The following DBN1 variants were observed in gnomAD, a reference collection of about 807,000 sequenced individuals.
DBN1 encodes the protein drebrin.
DBN1 carries 21 observed loss-of-function variants against 83.5 expected under a neutral mutation model. That is an observed-to-expected ratio of 0.25 (90% CI 0.18 to 0.36). DBN1 has a LOEUF of 0.36. DBN1 is among the 10% of genes least tolerant of loss of function. The pLI is 1.00. For synonymous variants in DBN1, 381 were observed against 384.9 expected, an observed-to-expected ratio of 0.99 and a Z score of 0.12; for missense variants, 874 against 935.7, an observed-to-expected ratio of 0.93 and a Z score of 0.86.
chr5:177,467,391 TAAAG>T lies in DBN1; in HGVS notation c.478-63_478-60del. 1.2e-6 allele frequency: 2 copies of T among 1,613,436 alleles called. No homozygotes were observed. Among genetic ancestry groups the T allele is most frequent in the South Asian group, 2.2e-5 (2 of 91,052 alleles). ...GAATGCCCCAGGAACCCCCGACACC[TAAAG>T]GGTGAGAGCTAAGAGGGACCGGGCA... On this transcript the variant is annotated intron_variant, in intron 5 of 14. Transcript: ENST00000393565. The surrounding 1 kb of genome is among the most constrained non-coding windows in gnomAD (Gnocchi z 9.1).
At chr5:177,468,670 C>G in intron 2 of DBN1, 174 bp downstream of exon 2, 1 of 443,158 alleles carries the variant, frequency 2.3e-6, no homozygotes, top group Non-Finnish European at 4.0e-6. Flanking sequence ...CTCTGAGATT[C>G]CTCCCCACCC....
Position 177,473,487 on chromosome 5 carries a change from TC to T in DBN1, c.34del (p.Glu12SerfsTer9). On this transcript the variant is annotated frameshift_variant, in exon 1 of 15. Transcript: ENST00000393565. LOFTEE classifies it high-confidence loss of function. ...CACCTCCTCGTAAGCCGCCAGCAGC[TC>T]CAGGCGGTGGCCGCTGAAGCTGACG... ...AGVSFSGHRL[E>X]LLAAYEEVIR... 1 of 1,431,102 alleles carries T rather than the reference TC, an allele frequency of 7.0e-7. No homozygotes were observed. The allele number at this position is 1,431,102 out of a possible 1,614,324, so 88.7% of individuals were successfully genotyped here.
chr5:177,465,796 A>C (rs1372703401), intron 8 of DBN1, among the ~76,000 whole-genome samples: 1 of 151,162 alleles, frequency 6.6e-6, no homozygotes, highest in Admixed American at 6.6e-5. Context: ...TGGAGGTTGC[A>C]GTGAGCCAAG....
At chr5:177,472,479 C>T (rs1278094991) in intron 1 of DBN1, 2 of 1,179,670 alleles carry the variant, frequency 1.7e-6, no homozygotes, top group South Asian at 1.9e-5. Flanking sequence ...TTTCCACCAC[C>T]CTGGGCCGCC....
intron 2 of DBN1, 165 bp downstream of exon 2, chr5:177,468,679 C>T (rs1215346401): frequency 2.2e-6 from 1 of 456,954 alleles, no homozygotes; most frequent in African/African-American, 2.0e-5. Flanking sequence ...TCCTCCCCAC[C>T]CTGGGGACAC....
chr5:177,471,226 A>C (rs947483830), intron 1 of DBN1, among the ~76,000 whole-genome samples: 1 of 152,080 alleles, frequency 6.6e-6, no homozygotes, highest in Non-Finnish European at 1.5e-5. Flanking sequence ...CATCACTCTC[A>C]GGATGGTGGT....
In DBN1 at chr5:177,457,209, A is replaced by C. The variant is rs1183654139; in HGVS notation, c.*224T>G. 1 of 568,130 alleles carries C rather than the reference A, an allele frequency of 1.8e-6. No individual in the cohort carries two copies. Among genetic ancestry groups the C allele is most frequent in the African/African-American group, 1.9e-5 (1 of 53,052 alleles). The allele number at this position is 568,130 out of a possible 1,614,324, so 35.2% of individuals were successfully genotyped here. ...AGCGTCTCAACTACCAACGAGAGGA[A>C]AGCCAGTCAACTGTACAAGTCTCCT... On this transcript the variant is annotated 3_prime_UTR_variant, in exon 15 of 15. Coordinates refer to ENST00000393565, the MANE Select transcript of DBN1 (RefSeq NM_001363541.2).
At position 177,473,527 on chromosome 5, in the gene DBN1, G is replaced by A. The variant is rs780160317; in HGVS notation, c.-6C>T. ...CTGAAGCTGACGCCGGCCATGCTTC[G>A]GGCCGGACCGGGCCGAACGGACAGA... On this transcript the variant is annotated 5_prime_UTR_variant, in exon 1 of 15. Transcript: ENST00000393565. 3.6e-6 allele frequency: 5 copies of A among 1,400,454 alleles called. No homozygotes were observed. Among genetic ancestry groups the A allele is most frequent in the African/African-American group, 3.0e-5 (2 of 67,224 alleles). The allele number at this position is 1,400,454 out of a possible 1,614,324, so 86.8% of individuals were successfully genotyped here.
Position 177,467,485 on chromosome 5 carries a change from G to T in DBN1, c.473C>A (p.Pro158His). Residue 158 changes from proline (P) to histidine (H), a missense_variant, in exon 5 of 15, where the codon CCC (proline) becomes CAC (histidine). Around this residue, in one of 4 missense-constraint regions of DBN1, gnomAD observed 725 missense variants for 719.7 expected, o/e 1.01. Coordinates refer to ENST00000393565, the MANE Select transcript of DBN1 (RefSeq NM_001363541.2). The surrounding 1 kb of genome is among the most constrained non-coding windows in gnomAD (Gnocchi z 9.1). The stretch of plus-strand genomic sequence containing the variant: ...GGGTGCCAAACACACACTAACCACG[G>T]GCTCTGCGTTCTCATCCTCTCGCAG... ...LRLREDENAE[P>H]VGTTYQKTDA... 1 of 1,594,830 alleles carries T rather than the reference G, an allele frequency of 6.3e-7. No homozygotes were observed. Among genetic ancestry groups the T allele is most frequent in the Non-Finnish European group, 8.5e-7 (1 of 1,169,804 alleles).
rs1714607141 is a variant in DBN1 at position 177,458,205 on chromosome 5, G to A, written c.1767C>T (p.Phe589=). Residue 589 remains phenylalanine, a synonymous_variant, in exon 13 of 15, where the codon TTC becomes TTT. Coordinates refer to ENST00000393565, the MANE Select transcript of DBN1 (RefSeq NM_001363541.2). The part of the protein sequence containing the change: ...FDELPEPPAT[F]CDPEEVEGES... ...CCCCTTCCACTTCCTCTGGGTCACA[G>A]AAGGTGGCTGGCGGCTCAGGCAGCT... 6.2e-7 allele frequency: 1 copy of A among 1,612,844 alleles called. No homozygotes were observed. The highest frequency in any genetic ancestry group is 1.7e-5 in the Admixed American group (1 of 59,984).
chr5:177,459,509 G>C, intron 11 of DBN1, 94 bp downstream of exon 11: 1 of 1,379,700 alleles, frequency 7.2e-7, no homozygotes, highest in South Asian at 1.5e-5. Flanking sequence ...AAACACCAGA[G>C]ATCAGCGGTC....
intron 1 of DBN1, chr5:177,472,446 G>A: frequency 7.5e-7 from 1 of 1,339,664 alleles, no homozygotes; most frequent in East Asian, 3.3e-5. Flanking sequence ...GGATGGGGCT[G>A]TGAGGAACCC....
intron 1 of DBN1, among the ~76,000 whole-genome samples, chr5:177,470,222 C>G (rs956333711): frequency 6.6e-6 from 1 of 152,196 alleles, no homozygotes; most frequent in African/African-American, 2.4e-5. Flanking sequence ...ACAGATGCTT[C>G]CAGCACAGCT....
rs757797636 is a variant in DBN1 at position 177,467,160 on chromosome 5, G to A, written c.555+95C>T. 2.1e-5 allele frequency: 33 copies of A among 1,605,156 alleles called. No homozygotes were observed. The African/African-American group carries it at 2.8e-4, about 14-fold the overall frequency. The stretch of plus-strand genomic sequence containing the variant: ...TAACCCAGCGCTGGGGGCGGGGCAC[G>A]TGGCATGGGCCATGCCACTGCAGTG... On this transcript the variant is annotated intron_variant, in intron 6 of 14. Transcript: ENST00000393565. The surrounding 1 kb of genome is among the most constrained non-coding windows in gnomAD (Gnocchi z 9.1).
chr5:177,460,790 T>C, intron 8 of DBN1, 87 bp from the exon 9 acceptor site: 1 of 1,413,358 alleles, frequency 7.1e-7, no homozygotes, highest in Non-Finnish European at 9.7e-7. Flanking sequence ...TTTATTGATT[T>C]TGTTTTTAAG....
At position 177,458,130 on chromosome 5, in the gene DBN1, C is replaced by T. The variant is rs1561675888; in HGVS notation, c.1842G>A (p.Glu614=). The change falls in exon 13 of 15, where the codon GAG becomes GAA. Residue 614 remains glutamate, a synonymous_variant. Coordinates refer to ENST00000393565, the MANE Select transcript of DBN1 (RefSeq NM_001363541.2). ...GCTCCGGCTCCTGCTCTTGCTCCAG[C>T]TCCTCAAGGGCTGAGGGCAGAGTTG... The part of the protein sequence containing the change: ...QTPTLPSALE[E]LEQEQEPEPH... The T allele has an allele frequency of 1.9e-6, 3 of 1,613,628 alleles. No homozygotes were observed. Among genetic ancestry groups the T allele is most frequent in the Non-Finnish European group, 1.7e-6 (2 of 1,179,992 alleles).
chr5:177,471,486 C>T (rs1252114914), intron 1 of DBN1, among the ~76,000 whole-genome samples: 17 of 151,968 alleles, frequency 1.1e-4, no homozygotes, highest in Admixed American at 1.0e-3. Flanking sequence ...AGGTAAGGGT[C>T]GGGGGGCAGA....
At position 177,473,443 on chromosome 5, in the gene DBN1, C is replaced by T. The variant is rs923096048; in HGVS notation, c.79G>A (p.Ala27Thr). The T allele has an allele frequency of 9.1e-6, 13 of 1,428,412 alleles. No homozygotes were observed. Among genetic ancestry groups the T allele is most frequent in the Non-Finnish European group, 1.1e-5 (12 of 1,083,816 alleles). The allele number at this position is 1,428,412 out of a possible 1,614,324, so 88.5% of individuals were successfully genotyped here. Residue 27 changes from alanine to threonine, a missense_variant, in exon 1 of 15, where the codon GCC (alanine) becomes ACC (threonine). By Grantham distance (58) the Ala-to-Thr change is moderately conservative (BLOSUM62 0). This residue lies in a region of DBN1 where 82 missense variants were observed against 101.7 expected (regional missense o/e 0.81). Coordinates refer to ENST00000393565, the MANE Select transcript of DBN1 (RefSeq NM_001363541.2). ...YEEVIREESAADWALYTYEDG... is the reference protein window; with the variant it reads ...YEEVIREESATDWALYTYEDG... ...CGGGGGCGGGGGGCTCACCAGTCGG[C>T]CGCGCTCTCCTCTCGGATCACCTCC...
rs573267372 is a variant in DBN1 at position 177,467,923 on chromosome 5, G to A, written c.256-106C>T. On this transcript the variant is annotated intron_variant, in intron 3 of 14. Transcript: ENST00000393565. This position sits in a 1 kb window ranked among gnomAD's most constrained non-coding sequence, Gnocchi z 9.1. ...GAAGAGGGTGGGCTTCCCTCTCCAC[G>A]GGTGTCAGAGGGCCGACGGGGAGGG... The A allele has an allele frequency of 3.6e-4, 515 of 1,425,930 alleles. No homozygotes were observed. Among genetic ancestry groups the A allele is most frequent in the African/African-American group, 5.6e-4 (40 of 71,152 alleles). The allele number at this position is 1,425,930 out of a possible 1,614,324, so 88.3% of individuals were successfully genotyped here.
Sources: allele counts gnomAD v4.1 joint callset (sites outside exome capture counted in the v4.1 genomes callset), GRCh38; gene constraint gnomAD v4.1.1; regional missense constraint gnomAD v4.1.1; non-coding constraint Gnocchi (gnomAD v3.1); transcripts MANE v1.5; gene names NCBI Gene and HGNC (gene_info 2026-07-23, HGNC 2026-07-21).